The following APBB1IP variants were observed in gnomAD, a reference collection of about 807,000 sequenced individuals.
APBB1IP encodes the protein amyloid beta A4 precursor protein-binding family B member 1-interacting protein.
A neutral mutation model predicts 64.9 loss-of-function variants in APBB1IP; 27 were observed. The observed-to-expected ratio is 0.42, with a 90% CI of 0.31 to 0.57. APBB1IP has a LOEUF of 0.57. Among genes scored for constraint, APBB1IP ranks in the 20% least tolerant of loss-of-function variants. APBB1IP has a pLI of 0.20. For synonymous variants in APBB1IP, 392 were observed against 331.0 expected (o/e 1.18, Z -2.00); for missense variants, 812 against 845.5 (o/e 0.96, Z 0.49).
chr10:26,543,512 C>A (rs1470804714), intron 11 of APBB1IP, among the ~76,000 whole-genome samples: 1 of 150,498 alleles, frequency 6.6e-6, no homozygotes, highest in Non-Finnish European at 1.5e-5. Context: ...TGTTGAATGA[C>A]AACTATTGTT....
intron 2 of APBB1IP, among the ~76,000 whole-genome samples, chr10:26,462,074 T>C (rs3006809): frequency 0.24 from 37,268 of 152,168 alleles, 4,883 homozygotes; most frequent in East Asian, 0.49. Flanking sequence ...GATAATGTTT[T>C]ATTGGCACTA....
chr10:26,472,464 C>G (rs1835729964), intron 2 of APBB1IP, among the ~76,000 whole-genome samples: 1 of 152,166 alleles, frequency 6.6e-6, no homozygotes, highest in Admixed American at 6.5e-5. Flanking sequence ...GGCTTCTACC[C>G]TCAACACTCC....
At chr10:26,446,907 C>A (rs886552877) in intron 2 of APBB1IP, among the ~76,000 whole-genome samples, 1 of 143,282 alleles carries the variant, frequency 7.0e-6, no homozygotes, top group African/African-American at 2.5e-5. Context: ...TAGATATGGT[C>A]CCTACCCTCA....
At chr10:26,494,845 AT>A (rs1441995707) in intron 3 of APBB1IP, among the ~76,000 whole-genome samples, 2 of 152,102 alleles carry the variant, frequency 1.3e-5, no homozygotes, top group Non-Finnish European at 2.9e-5. Flanking sequence ...AAAATAAAAA[AT>A]AAACCAATTC....
At chr10:26,508,470 CA>C (rs1338608213) in intron 6 of APBB1IP, among the ~76,000 whole-genome samples, 2 of 151,026 alleles carry the variant, frequency 1.3e-5, no homozygotes, top group South Asian at 2.1e-4. Context: ...TAGCATCTTG[CA>C]AAAAAAGAAG....
At chr10:26,554,428 G>T (rs118077588) in intron 11 of APBB1IP, among the ~76,000 whole-genome samples, 269 of 152,318 alleles carry the variant, frequency 1.8e-3, no homozygotes, top group Non-Finnish European at 3.5e-3. Flanking sequence ...AGCAGTGCTG[G>T]CATTCCTTGG....
At position 26,516,410 on chromosome 10, in the gene APBB1IP, G is replaced by A. The variant is rs1166741942; in HGVS notation, c.813+2750G>A. Among the ~76,000 whole-genome samples the A allele has an allele frequency of 2.0e-5, 3 of 151,722 alleles. No homozygotes were observed. In the East Asian group the frequency reaches 5.8e-4, roughly 29 times the overall value. On this transcript the variant is annotated intron_variant, in intron 8 of 14. Coordinates refer to ENST00000376236, the MANE Select transcript of APBB1IP (RefSeq NM_019043.4). ...ATTTAAAACTTAGCCAGGCATGGTGGTGGGCTCCTGTAATCTCAGCTACTT... is the reference window on the plus strand; with the variant it reads ...ATTTAAAACTTAGCCAGGCATGGTGATGGGCTCCTGTAATCTCAGCTACTT...
chr10:26,468,630 G>A (rs185429268), intron 2 of APBB1IP, among the ~76,000 whole-genome samples: 5 of 151,962 alleles, frequency 3.3e-5, no homozygotes, highest in Non-Finnish European at 2.9e-5. Context: ...AGTAATTGCG[G>A]TTTTCACAAT....
At chr10:26,550,979 C>T (rs576191638) in intron 11 of APBB1IP, among the ~76,000 whole-genome samples, 3 of 152,302 alleles carry the variant, frequency 2.0e-5, no homozygotes, top group South Asian at 2.1e-4. Context: ...CTAACTCTGC[C>T]GAGGATACAC....
chr10:26,558,232 C>T (rs1028107633), intron 11 of APBB1IP, among the ~76,000 whole-genome samples: 2 of 151,968 alleles, frequency 1.3e-5, no homozygotes, highest in African/African-American at 4.8e-5. Flanking sequence ...TATAATGACC[C>T]ATGAAAATTT....
intron 6 of APBB1IP, among the ~76,000 whole-genome samples, chr10:26,507,082 G>A (rs1244849206): frequency 6.6e-6 from 1 of 152,186 alleles, no homozygotes; most frequent in Non-Finnish European, 1.5e-5. Context: ...CAGAGAGGCA[G>A]CTGGGAGACA....
intron 2 of APBB1IP, among the ~76,000 whole-genome samples, chr10:26,489,941 C>A (rs1226606496): frequency 6.6e-6 from 1 of 152,130 alleles, no homozygotes; most frequent in Non-Finnish European, 1.5e-5. Flanking sequence ...AGGAGAATTG[C>A]TTGAACCCAG....
At chr10:26,525,179 T>C (rs1341854816) in intron 8 of APBB1IP, among the ~76,000 whole-genome samples, 1 of 151,702 alleles carries the variant, frequency 6.6e-6, no homozygotes, top group Non-Finnish European at 1.5e-5. Flanking sequence ...CCACTCAAGA[T>C]GCTAAGGTGG....
intron 2 of APBB1IP, among the ~76,000 whole-genome samples, chr10:26,461,337 A>G (rs1223827338): frequency 6.6e-6 from 1 of 152,200 alleles, no homozygotes; most frequent in Non-Finnish European, 1.5e-5. Context: ...TCTTCCAAAT[A>G]TATAGCCGAT....
intron 10 of APBB1IP, among the ~76,000 whole-genome samples, chr10:26,536,725 C>T (rs1459364487): frequency 7.9e-6 from 1 of 127,296 alleles, no homozygotes; most frequent in Admixed American, 8.4e-5. Context: ...CCCCCCACCC[C>T]CCGCCAAGTA....
At chr10:26,470,205 A>G (rs1835699774) in intron 2 of APBB1IP, among the ~76,000 whole-genome samples, 1 of 152,248 alleles carries the variant, frequency 6.6e-6, no homozygotes, top group African/African-American at 2.4e-5. Flanking sequence ...TCAATAAAGT[A>G]TCCAGTGAAT....
chr10:26,513,690 A>G (rs755428263), intron 8 of APBB1IP, 30 bp downstream of exon 8: 1 of 1,567,220 alleles, frequency 6.4e-7, no homozygotes, highest in Non-Finnish European at 8.6e-7. Flanking sequence ...GTTAAACCCT[A>G]TAAAGTACAA....
rs190639737 is a variant in APBB1IP, at chr10:26,541,296, A to T, written c.1045-286A>T. 5.9e-4 allele frequency among the ~76,000 whole-genome samples: 90 copies of T among 152,336 alleles called. 2 individuals carry two copies. In the East Asian group the frequency reaches 0.012, roughly 20 times the overall value. ...AATTAGCACATCCATCATCTCAAAC[A>T]TTTATCATTTCTTTGTGTTGGGAAC... On this transcript the variant is annotated intron_variant, in intron 10 of 14. Coordinates refer to ENST00000376236, the MANE Select transcript of APBB1IP (RefSeq NM_019043.4).
intron 11 of APBB1IP, among the ~76,000 whole-genome samples, chr10:26,553,309 C>T (rs965130901): frequency 7.9e-5 from 12 of 152,058 alleles, no homozygotes; most frequent in East Asian, 2.0e-4. Flanking sequence ...TGTGAGCCAC[C>T]GCACCCGGCC....
Sources: gnomAD v4.1 joint callset for allele counts (sites outside exome capture counted in the v4.1 genomes callset) on GRCh38, gnomAD v4.1.1 for gene constraint, MANE v1.5 for transcripts, NCBI Gene and HGNC (gene_info 2026-07-23, HGNC 2026-07-21) for gene names.